MAST4: variants seen among roughly 807,000 people sequenced by gnomAD.
The protein encoded by MAST4 is microtubule associated serine/threonine kinase family member 4.
MAST4 carries 89 observed loss-of-function variants against 162.7 expected under a neutral mutation model. The ratio of observed to expected loss-of-function variants is 0.55; its 90% CI spans 0.46 to 0.65. The LOEUF (loss-of-function observed/expected upper bound fraction) is 0.65, where lower values mean the gene tolerates loss of function less well. Among genes scored for constraint, MAST4 ranks in the 30% least tolerant of loss-of-function variants. MAST4 has a pLI of 0.00. For missense variants in MAST4, 3,153 were observed against 3,374.0 expected, an observed-to-expected ratio of 0.93 and a Z score of 1.62; for synonymous variants, 1,479 against 1,361.1, an observed-to-expected ratio of 1.09 and a Z score of -1.91.
At chr5:66,691,615 G>A (rs12515753) in intron 1 of MAST4, among the ~76,000 whole-genome samples, 16,867 of 152,104 alleles carry the variant, frequency 0.11, 1,021 homozygotes, top group Admixed American at 0.16. Context: ...TCATCGTCTC[G>A]TTAGGGCCCA....
intron 2 of MAST4, among the ~76,000 whole-genome samples, chr5:66,764,446 G>C (rs1753993581): frequency 1.3e-5 from 2 of 152,154 alleles, no homozygotes; most frequent in African/African-American, 4.8e-5. Context: ...CCTTGTCCAG[G>C]ATGCAGGTAC....
rs139081623 is a variant in MAST4 at position 66,945,427 on chromosome 5, A to G, written c.674+45445A>G. 5.3e-4 allele frequency among the ~76,000 whole-genome samples: 81 copies of G among 152,254 alleles called. 1 individual carries two copies. In the East Asian group the frequency reaches 0.015, roughly 27 times the overall value. ...TGATAAGTCCTCAGTTGGCTCCACA[A>G]AATCCAACTTTACACATACTATCAG... On this transcript the variant is annotated intron_variant, in intron 4 of 28. Coordinates refer to ENST00000403625, the MANE Select transcript of MAST4 (RefSeq NM_001164664.2).
intron 3 of MAST4, among the ~76,000 whole-genome samples, chr5:66,884,032 TA>T (rs1178497034): frequency 2.6e-5 from 4 of 152,198 alleles, no homozygotes; most frequent in Non-Finnish European, 5.9e-5. Context: ...CTAAGTACAA[TA>T]GCTGGTATAT....
At chr5:66,977,886 A>G (rs1748346210) in intron 4 of MAST4, among the ~76,000 whole-genome samples, 1 of 152,240 alleles carries the variant, frequency 6.6e-6, no homozygotes, top group Admixed American at 6.5e-5. Flanking sequence ...GCAACTACAC[A>G]GGATTCGAAC....
At chr5:66,984,283 C>T (rs76777364) in intron 4 of MAST4, among the ~76,000 whole-genome samples, 1 of 152,116 alleles carries the variant, frequency 6.6e-6, no homozygotes, top group Non-Finnish European at 1.5e-5. Context: ...GCAAAAGCCT[C>T]CCAAGTAAAG....
rs559759869 is a variant in MAST4, at chr5:66,690,633, A to T, written c.364-69076A>T. ...AAGCAATTTTAGCCTTTCTTCAGAT[A>T]CTTGTTTGTAGTTCTGAGAGAAGAA... On this transcript the variant is annotated intron_variant, in intron 1 of 28. Coordinates refer to ENST00000403625, the MANE Select transcript of MAST4 (RefSeq NM_001164664.2). 1.3e-5 allele frequency among the ~76,000 whole-genome samples: 2 copies of T among 152,280 alleles called. 1 individual carries two copies. Among genetic ancestry groups the T allele is most frequent in the African/African-American group, 4.8e-5 (2 of 41,554 alleles).
chr5:66,921,627 C>T lies in MAST4; in HGVS notation c.674+21645C>T, dbSNP rs151164950. Among the ~76,000 whole-genome samples the T allele has an allele frequency of 1.0e-3, 158 of 152,138 alleles. 1 individual carries two copies. The highest frequency in any genetic ancestry group is 1.7e-3 in the East Asian group (9 of 5,164). On this transcript the variant is annotated intron_variant, in intron 4 of 28. Coordinates refer to ENST00000403625, the MANE Select transcript of MAST4 (RefSeq NM_001164664.2). Reference sequence around the variant, plus strand: ...ATACAAAAATTAGCCGGTATGGTGGCGCACGCCTGTAATCCCAGCTACTCA... The same window carrying T: ...ATACAAAAATTAGCCGGTATGGTGGTGCACGCCTGTAATCCCAGCTACTCA...
intron 5 of MAST4, among the ~76,000 whole-genome samples, chr5:67,077,835 C>G (rs1761843510): frequency 6.6e-6 from 1 of 152,182 alleles, no homozygotes; most frequent in African/African-American, 2.4e-5. Context: ...TGCAGTGGCT[C>G]ATGCCTATAA....
At chr5:66,792,907 T>C (rs1177683406) in intron 3 of MAST4, among the ~76,000 whole-genome samples, 1 of 152,160 alleles carries the variant, frequency 6.6e-6, no homozygotes, top group Non-Finnish European at 1.5e-5. Flanking sequence ...GGAACCAAAT[T>C]GGTTTATGTC....
At chr5:66,911,646 G>A (rs1580849639) in intron 4 of MAST4, among the ~76,000 whole-genome samples, 1 of 147,482 alleles carries the variant, frequency 6.8e-6, no homozygotes, top group East Asian at 2.0e-4. Flanking sequence ...TGAGGCTGGA[G>A]GATTGCTTGA....
In MAST4 at chr5:66,992,812, G is replaced by C. The variant is rs1183179465; in HGVS notation, c.675-61592G>C. 5.9e-5 allele frequency among the ~76,000 whole-genome samples: 9 copies of C among 152,288 alleles called. No individual in the cohort carries two copies. In the East Asian group the frequency reaches 1.7e-3, roughly 29 times the overall value. ...TAAGTGCGACGGAAGGTTTCACTGG[G>C]TAAGCTGACATTTGTGAGCCAGGAG... is the stretch of plus-strand genomic sequence containing the variant. On this transcript the variant is annotated intron_variant, in intron 4 of 28. Transcript: ENST00000403625.
At chr5:67,050,782 G>T (rs890421313) in intron 4 of MAST4, among the ~76,000 whole-genome samples, 1 of 152,160 alleles carries the variant, frequency 6.6e-6, no homozygotes, top group Admixed American at 6.5e-5. Context: ...TCCAAATTCA[G>T]AGAACAAACT....
intron 4 of MAST4, among the ~76,000 whole-genome samples, chr5:67,032,735 A>C (rs1755506375): frequency 1.3e-5 from 2 of 152,290 alleles, no homozygotes; most frequent in South Asian, 4.1e-4. Context: ...ATAGACTTTT[A>C]GGTAAATGAT....
intron 4 of MAST4, 47 bp downstream of exon 4, chr5:66,900,029 A>G: frequency 7.8e-7 from 1 of 1,281,752 alleles, no homozygotes; most frequent in Non-Finnish European, 1.1e-6. Context: ...ATTAATATAT[A>G]GTTTATAGTA....
chr5:66,957,680 A>T (rs549821385), intron 4 of MAST4, among the ~76,000 whole-genome samples: 1 of 152,306 alleles, frequency 6.6e-6, no homozygotes, highest in South Asian at 2.1e-4. Context: ...GTTGATAGTT[A>T]AGGATGTAGA....
intron 1 of MAST4, among the ~76,000 whole-genome samples, chr5:66,679,736 G>C (rs1432482220): frequency 2.0e-5 from 3 of 151,796 alleles, no homozygotes; most frequent in Non-Finnish European, 4.4e-5. Flanking sequence ...CTCCAGTTGG[G>C]GAGGCACTTA....
At chr5:66,813,606 C>T (rs1756578039) in intron 3 of MAST4, among the ~76,000 whole-genome samples, 1 of 152,230 alleles carries the variant, frequency 6.6e-6, no homozygotes, top group Admixed American at 6.5e-5. Context: ...AGTCTTGCAA[C>T]ATTGCCATGT....
At chr5:66,910,850 C>T (rs953468047) in intron 4 of MAST4, among the ~76,000 whole-genome samples, 4 of 150,650 alleles carry the variant, frequency 2.7e-5, no homozygotes, top group Non-Finnish European at 4.4e-5. Context: ...TCCCTTCAGG[C>T]GATTCTCCTG....
chr5:66,944,824 C>T (rs1387189530), intron 4 of MAST4, among the ~76,000 whole-genome samples: 2 of 152,106 alleles, frequency 1.3e-5, no homozygotes, highest in East Asian at 1.9e-4. Context: ...AGAGTAGAAG[C>T]GCTTCCATGT....
Sources: allele counts gnomAD v4.1 joint callset (sites outside exome capture counted in the v4.1 genomes callset), GRCh38; gene constraint gnomAD v4.1.1; transcripts MANE v1.5; gene names NCBI Gene and HGNC (gene_info 2026-07-23, HGNC 2026-07-21).